Variants in HS6ST3 observed in about 807,000 individuals in gnomAD.
HS6ST3 encodes the protein heparan-sulfate 6-O-sulfotransferase 3.
HS6ST3 carries 12 observed loss-of-function variants against 36.7 expected under a neutral mutation model. The ratio of observed to expected loss-of-function variants is 0.33; its 90% CI spans 0.21 to 0.53. The LOEUF (loss-of-function observed/expected upper bound fraction) is 0.53. Among genes scored for constraint, HS6ST3 ranks in the 20% least tolerant of loss-of-function variants. The probability of loss-of-function intolerance (pLI) is 0.95; values close to 1 mark genes in which losing one functional copy is unlikely to be tolerated. For synonymous variants in HS6ST3, 240 were observed against 257.5 expected, an observed-to-expected ratio of 0.93 and a Z score of 0.65; for missense variants, 584 against 640.9, an observed-to-expected ratio of 0.91 and a Z score of 0.96.
At chr13:96,463,260 T>C (rs976811100) in intron 1 of HS6ST3, among the ~76,000 whole-genome samples, 2 of 152,102 alleles carry the variant, frequency 1.3e-5, no homozygotes, top group Non-Finnish European at 2.9e-5. Context: ...GCTTAGACAC[T>C]GTAGGGAGTT....
intron 1 of HS6ST3, among the ~76,000 whole-genome samples, chr13:96,317,895 G>A (rs2054984021): frequency 6.6e-6 from 1 of 151,688 alleles, no homozygotes; most frequent in Admixed American, 6.6e-5. Flanking sequence ...TCATTTGTTG[G>A]GGGGAGTTAT....
chr13:96,617,753 A>C (rs1267491038), intron 1 of HS6ST3, among the ~76,000 whole-genome samples: 1 of 152,186 alleles, frequency 6.6e-6, no homozygotes, highest in Non-Finnish European at 1.5e-5. Flanking sequence ...GAAATTCTCA[A>C]ACCAACTAGA....
chr13:96,825,740 C>G (rs1878633601), intron 1 of HS6ST3, among the ~76,000 whole-genome samples: 1 of 152,216 alleles, frequency 6.6e-6, no homozygotes, highest in South Asian at 2.1e-4. Context: ...CCAGTCTATG[C>G]CCTCCTTCCA....
At chr13:96,715,670 A>G (rs1167270715) in intron 1 of HS6ST3, among the ~76,000 whole-genome samples, 2 of 152,156 alleles carry the variant, frequency 1.3e-5, no homozygotes, top group African/African-American at 2.4e-5. Context: ...TAAGCTGAAT[A>G]TTCCACTAAT....
chr13:96,180,673 A>G (rs1042040254), intron 1 of HS6ST3, among the ~76,000 whole-genome samples: 3 of 152,248 alleles, frequency 2.0e-5, no homozygotes, highest in African/African-American at 7.2e-5. Flanking sequence ...AGTGTTGTAT[A>G]TGGAATAACT....
At chr13:96,321,622 A>T (rs565684601) in intron 1 of HS6ST3, among the ~76,000 whole-genome samples, 1 of 152,172 alleles carries the variant, frequency 6.6e-6, no homozygotes, top group East Asian at 1.9e-4. Flanking sequence ...CACTGTCCTC[A>T]TTCCTGAACT....
At chr13:96,259,137 T>G (rs2054651963) in intron 1 of HS6ST3, among the ~76,000 whole-genome samples, 1 of 151,980 alleles carries the variant, frequency 6.6e-6, no homozygotes, top group African/African-American at 2.4e-5. Context: ...AAGCAGTGTG[T>G]GTGTGTGTAT....
intron 1 of HS6ST3, among the ~76,000 whole-genome samples, chr13:96,505,634 T>C (rs1165198286): frequency 1.3e-5 from 2 of 152,172 alleles, no homozygotes; most frequent in African/African-American, 4.8e-5. Flanking sequence ...TCATTTGTTC[T>C]AAAAATACAT....
chr13:96,824,116 G>A (rs959746474), intron 1 of HS6ST3, among the ~76,000 whole-genome samples: 5 of 152,240 alleles, frequency 3.3e-5, no homozygotes, highest in African/African-American at 1.2e-4. Context: ...AGCCCTGTGG[G>A]CACTTCTATC....
chr13:96,422,896 C>T (rs914395137), intron 1 of HS6ST3, among the ~76,000 whole-genome samples: 3 of 152,132 alleles, frequency 2.0e-5, no homozygotes. Flanking sequence ...CAAGTCCTAC[C>T]ACTTAGCTTA....
chr13:96,305,599 A>C (rs1232788660), intron 1 of HS6ST3, among the ~76,000 whole-genome samples: 25 of 152,164 alleles, frequency 1.6e-4, no homozygotes, highest in Non-Finnish European at 4.4e-5. Context: ...TCTTCACATA[A>C]ATAATATGTG....
intron 1 of HS6ST3, among the ~76,000 whole-genome samples, chr13:96,632,287 G>T (rs2139001470): frequency 6.7e-6 from 1 of 150,368 alleles, no homozygotes; most frequent in South Asian, 2.1e-4. Context: ...GCCACCTCCA[G>T]AACTGTCAGA....
In HS6ST3 at chr13:96,679,116, C is replaced by T. The variant is rs528918346; in HGVS notation, c.708-153374C>T. Among the ~76,000 whole-genome samples, 13 of 148,688 alleles carry T rather than the reference C, an allele frequency of 8.7e-5. No homozygotes were observed. In the South Asian group the frequency reaches 2.7e-3, roughly 30 times the overall value. On this transcript the variant is annotated intron_variant, in intron 1 of 1. Coordinates refer to ENST00000376705, the MANE Select transcript of HS6ST3 (RefSeq NM_153456.4). ...TGTTCACTGCGTCACCACACCCTCC[C>T]CTATCTAGTTTGCCTCAGCAAAATT...
rs146033180 is a variant in HS6ST3 at position 96,668,686 on chromosome 13, C to CTTT, written c.708-163766_708-163764dup. On this transcript the variant is annotated intron_variant, in intron 1 of 1. Transcript: ENST00000376705. Reference sequence around the variant, plus strand: ...GGGAGCTGAGCACAGTAGTGCCAACCTTTTTTTTTTTTTTTTTTTTTTTTT... The same window carrying CTTT: ...GGGAGCTGAGCACAGTAGTGCCAACCTTTTTTTTTTTTTTTTTTTTTTTTTTTT... Among the ~76,000 whole-genome samples, 43 of 58,936 alleles carry CTTT rather than the reference C, an allele frequency of 7.3e-4. 3 individuals are homozygous for CTTT. The highest frequency in any genetic ancestry group is 8.6e-4 in the Non-Finnish European group (27 of 31,570). The allele number at this position is 58,936 out of a possible 152,430, so 38.7% of individuals were successfully genotyped here.
intron 1 of HS6ST3, among the ~76,000 whole-genome samples, chr13:96,699,489 T>C (rs1024699929): frequency 1.3e-5 from 2 of 152,106 alleles, no homozygotes; most frequent in Non-Finnish European, 2.9e-5. Context: ...AACGGACACA[T>C]GAAAAAATGC....
At chr13:96,819,852 GAGACCAGTCTGTCACATGGTGAC>G (rs1233541679) in intron 1 of HS6ST3, among the ~76,000 whole-genome samples, 14 of 152,018 alleles carry the variant, frequency 9.2e-5, no homozygotes, top group East Asian at 5.8e-4. Context: ...TCAGGAGTTT[GAGACCAGTCTGTCACATGGTGAC>G]AGACCAGTCA....
chr13:96,091,244 A>G lies in HS6ST3; in HGVS notation c.382A>G (p.Asn128Asp), dbSNP rs1418041661. ...GSLPRFVPRF[N>D]FSLKDLTRFV... ...CCTGCCCCGATTCGTGCCGCGCTTC[A>G]ACTTCAGCCTGAAGGACCTGACCCG... The change falls in exon 1 of 2, where the codon AAC (asparagine) becomes GAC (aspartate). Residue 128 changes from asparagine (N) to aspartate (D), a missense_variant. By Grantham distance (23) the Asn-to-Asp change is conservative. Transcript: ENST00000376705. 12 of 1,601,450 alleles carry G rather than the reference A, an allele frequency of 7.5e-6. No individual in the cohort carries two copies. The highest frequency in any genetic ancestry group is 1.0e-5 in the Non-Finnish European group (12 of 1,173,982).
chr13:96,374,634 C>CATTAG (rs1388173684), intron 1 of HS6ST3, among the ~76,000 whole-genome samples: 2 of 152,082 alleles, frequency 1.3e-5, no homozygotes, highest in Non-Finnish European at 2.9e-5. Context: ...AGATGTTTGC[C>CATTAG]ATGGGATAAG....
intron 1 of HS6ST3, among the ~76,000 whole-genome samples, chr13:96,233,253 A>C (rs1032807539): frequency 6.6e-6 from 1 of 152,216 alleles, no homozygotes; most frequent in Non-Finnish European, 1.5e-5. Context: ...TCCATCCAGA[A>C]AAAGGACTTT....
Sources: allele counts gnomAD v4.1 joint callset (sites outside exome capture counted in the v4.1 genomes callset), GRCh38; gene constraint gnomAD v4.1.1; transcripts MANE v1.5; gene names NCBI Gene and HGNC (gene_info 2026-07-23, HGNC 2026-07-21).